SPAG16: variants seen among roughly 807,000 people sequenced by gnomAD.
SPAG16 encodes sperm-associated antigen 16 protein.
Under a neutral mutation model 80.4 loss-of-function variants are expected in SPAG16, and 86 were observed. The observed-to-expected ratio is 1.07, with a 90% confidence interval of 0.90 to 1.28. The LOEUF is 1.28. Ranked by LOEUF, SPAG16 falls within the 50% of genes most tolerant of loss-of-function variation. The probability of loss-of-function intolerance (pLI) is 0.00; values close to 1 mark genes in which losing one functional copy is unlikely to be tolerated. For missense variants in SPAG16, 870 were observed against 765.3 expected (o/e 1.14, Z -1.61); for synonymous variants, 294 against 265.9 (o/e 1.11, Z -1.03).
chr2:214,297,530 T>G (rs1184487040), intron 15 of SPAG16, among the ~76,000 whole-genome samples: 12 of 152,192 alleles, frequency 7.9e-5, no homozygotes, highest in Non-Finnish European at 4.4e-5. Context: ...TTCATTCTTC[T>G]GCATATGACT....
intron 15 of SPAG16, among the ~76,000 whole-genome samples, chr2:214,246,640 C>T (rs1689867138): frequency 6.6e-6 from 1 of 152,106 alleles, no homozygotes; most frequent in Non-Finnish European, 1.5e-5. Context: ...TCCCCAGCCA[C>T]TCACCATTGC....
intron 9 of SPAG16, among the ~76,000 whole-genome samples, chr2:213,387,431 C>CTTT (rs71060428): frequency 1.7e-4 from 8 of 47,916 alleles, no homozygotes; most frequent in Admixed American, 7.1e-4. Flanking sequence ...AATGCATGCT[C>CTTT]TTTTTTTTTT....
At chr2:213,705,722 A>C (rs1031963961) in intron 10 of SPAG16, among the ~76,000 whole-genome samples, 4 of 152,152 alleles carry the variant, frequency 2.6e-5, no homozygotes, top group African/African-American at 9.7e-5. Flanking sequence ...TAGTCTTTTG[A>C]AAGAGAATTT....
chr2:213,534,549 G>A (rs554990634), intron 10 of SPAG16, among the ~76,000 whole-genome samples: 2 of 152,082 alleles, frequency 1.3e-5, no homozygotes, highest in East Asian at 3.9e-4. Context: ...TACAACTCAG[G>A]ATTAAAAGGA....
At chr2:213,635,334 C>G (rs1463448200) in intron 10 of SPAG16, among the ~76,000 whole-genome samples, 1 of 152,032 alleles carries the variant, frequency 6.6e-6, no homozygotes, top group African/African-American at 2.4e-5. Context: ...CATGCCCAGC[C>G]CTGGTTTCAT....
At chr2:213,713,777 A>C (rs968924405) in intron 10 of SPAG16, among the ~76,000 whole-genome samples, 5 of 152,182 alleles carry the variant, frequency 3.3e-5, no homozygotes, top group Non-Finnish European at 7.4e-5. Context: ...CAGGGTTTTT[A>C]TATCAGACTG....
At position 213,949,684 on chromosome 2, in the gene SPAG16, A is replaced by T. The variant is rs528981085; in HGVS notation, c.1400+19539A>T. On this transcript the variant is annotated intron_variant, in intron 12 of 15. Transcript: ENST00000331683. The stretch of plus-strand genomic sequence containing the variant: ...TCACTGAATATTTAACTCCTAAATT[A>T]TTTACCATGCCTACTTAGGCCTTCA... Among the ~76,000 whole-genome samples the T allele has an allele frequency of 2.0e-5, 3 of 152,252 alleles. No homozygotes were observed. The East Asian group carries it at 5.8e-4, about 29-fold the overall frequency.
At chr2:214,179,011 A>G (rs1311612896) in intron 15 of SPAG16, among the ~76,000 whole-genome samples, 2 of 151,430 alleles carry the variant, frequency 1.3e-5, no homozygotes, top group Non-Finnish European at 3.0e-5. Context: ...TCTACAATCT[A>G]CAATCACTAT....
intron 9 of SPAG16, among the ~76,000 whole-genome samples, chr2:213,403,577 A>G (rs1461491790): frequency 6.6e-6 from 1 of 152,192 alleles, no homozygotes; most frequent in East Asian, 1.9e-4. Flanking sequence ...AGAGCTATCT[A>G]TGACAAACCC....
At chr2:214,152,241 A>G (rs541744280) in intron 15 of SPAG16, among the ~76,000 whole-genome samples, 2 of 152,352 alleles carry the variant, frequency 1.3e-5, no homozygotes, top group South Asian at 4.1e-4. Flanking sequence ...TATATGTACT[A>G]ATAAATAGTA....
intron 13 of SPAG16, among the ~76,000 whole-genome samples, chr2:214,033,068 T>G (rs1358353068): frequency 6.6e-6 from 1 of 152,200 alleles, no homozygotes; most frequent in Non-Finnish European, 1.5e-5. Flanking sequence ...GTTTATCGTT[T>G]TCCTGCAATT....
rs988147785 is a variant in SPAG16, at chr2:214,061,898, T to C, written c.1528-46298T>C. The stretch of plus-strand genomic sequence containing the variant: ...CTATAGGAGGAATTTTAAAAATAAT[T>C]TAACACCCAACAAGATAAAGTTCCC... On this transcript the variant is annotated intron_variant, in intron 13 of 15. Coordinates refer to ENST00000331683, the MANE Select transcript of SPAG16 (RefSeq NM_024532.5). Among the ~76,000 whole-genome samples the C allele has an allele frequency of 2.0e-5, 3 of 150,548 alleles. No individual in the cohort carries two copies. The South Asian group carries it at 6.3e-4, about 31-fold the overall frequency.
chr2:214,188,368 G>A (rs765534731), intron 15 of SPAG16, among the ~76,000 whole-genome samples: 10 of 152,160 alleles, frequency 6.6e-5, no homozygotes, highest in Non-Finnish European at 1.2e-4. Flanking sequence ...GCCAAGCACT[G>A]TATTACAAAG....
chr2:213,919,212 T>A (rs767256865), intron 11 of SPAG16, among the ~76,000 whole-genome samples: 1 of 152,260 alleles, frequency 6.6e-6, no homozygotes, highest in Admixed American at 6.5e-5. Context: ...TTTTGTATCT[T>A]ATTAAGTTTT....
At chr2:213,499,509 T>C (rs553541636) in intron 10 of SPAG16, among the ~76,000 whole-genome samples, 52 of 152,284 alleles carry the variant, frequency 3.4e-4, no homozygotes, top group African/African-American at 1.2e-3. Flanking sequence ...TGAGTGCCTA[T>C]AGTTCTATAG....
rs562749890 is a variant in SPAG16 at position 213,503,385 on chromosome 2, G to A, written c.1070+13295G>A. Among the ~76,000 whole-genome samples the A allele has an allele frequency of 1.3e-3, 196 of 152,268 alleles. 1 individual carries two copies. Among genetic ancestry groups the A allele is most frequent in the African/African-American group, 4.5e-3 (185 of 41,556 alleles). On this transcript the variant is annotated intron_variant, in intron 10 of 15. Transcript: ENST00000331683. ...TTATGACATTGCCATAAAAGGTCAT[G>A]TTGGCATATTACCTTAAAATACTGA...
At chr2:213,932,878 T>C (rs1389256128) in intron 12 of SPAG16, among the ~76,000 whole-genome samples, 1 of 151,988 alleles carries the variant, frequency 6.6e-6, no homozygotes, top group African/African-American at 2.4e-5. Flanking sequence ...TAATTAACAG[T>C]AGCTTTTTTA....
At chr2:213,730,015 T>G (rs1446303644) in intron 10 of SPAG16, among the ~76,000 whole-genome samples, 2 of 152,220 alleles carry the variant, frequency 1.3e-5, no homozygotes, top group Non-Finnish European at 2.9e-5. Context: ...AGAGGACCAG[T>G]GATTTGATTT....
At chr2:213,352,251 A>ACT (rs1251835384) in intron 7 of SPAG16, among the ~76,000 whole-genome samples, 1 of 152,036 alleles carries the variant, frequency 6.6e-6, no homozygotes, top group Non-Finnish European at 1.5e-5. Context: ...GTGAGAATGA[A>ACT]CTAATACAAA....
Sources: gnomAD v4.1 joint callset for allele counts (sites outside exome capture counted in the v4.1 genomes callset) on GRCh38, gnomAD v4.1.1 for gene constraint, MANE v1.5 for transcripts, NCBI Gene and HGNC (gene_info 2026-07-23, HGNC 2026-07-21) for gene names.